PATJ: variants seen among roughly 807,000 people sequenced by gnomAD.
PATJ encodes the protein PATJ crumbs cell polarity complex component, also known as inaD-like protein.
A neutral mutation model predicts 224.9 loss-of-function variants in PATJ; 190 were observed. The observed-to-expected ratio is 0.84, with a 90% CI of 0.75 to 0.95. The LOEUF (loss-of-function observed/expected upper bound fraction) is 0.95, where lower values mean the gene tolerates loss of function less well. Among genes scored for constraint, PATJ ranks in the 40% least tolerant of loss-of-function variants. The pLI is 0.00. For synonymous variants in PATJ, 769 were observed against 820.3 expected (o/e 0.94, Z 1.07); for missense variants, 2,121 against 2,270.3 (o/e 0.93, Z 1.34).
chr1:62,098,318 G>A (rs572337974), intron 33 of PATJ, among the ~76,000 whole-genome samples: 4 of 144,046 alleles, frequency 2.8e-5, no homozygotes, highest in Non-Finnish European at 4.5e-5. Context: ...GAGATTGCAC[G>A]ACTGCACTCC....
intron 31 of PATJ, among the ~76,000 whole-genome samples, chr1:62,060,226 A>C (rs1194047218): frequency 6.6e-6 from 1 of 152,302 alleles, no homozygotes; most frequent in African/African-American, 2.4e-5. Context: ...TACTGTCGTC[A>C]TCTCCATTTT....
intron 30 of PATJ, among the ~76,000 whole-genome samples, chr1:62,039,499 T>G (rs372319390): frequency 2.0e-5 from 3 of 152,232 alleles, no homozygotes; most frequent in Non-Finnish European, 2.9e-5. Context: ...TCTCTCTTCA[T>G]GGTTGAAGAC....
chr1:61,925,820 A>C (rs1675109933), intron 26 of PATJ, among the ~76,000 whole-genome samples: 1 of 152,246 alleles, frequency 6.6e-6, no homozygotes, highest in Non-Finnish European at 1.5e-5. Flanking sequence ...GAAGAGAGTG[A>C]AGTGCTATTG....
chr1:61,980,704 C>T (rs763962610), intron 27 of PATJ, among the ~76,000 whole-genome samples: 4 of 152,026 alleles, frequency 2.6e-5, no homozygotes, highest in Admixed American at 1.3e-4. Flanking sequence ...GCTGTGGCAA[C>T]GACTCCCAGC....
chr1:61,962,549 G>T (rs895820559), intron 27 of PATJ, among the ~76,000 whole-genome samples: 1 of 152,174 alleles, frequency 6.6e-6, no homozygotes, highest in Non-Finnish European at 1.5e-5. Flanking sequence ...GTGGTGTGAT[G>T]ATGGAGGGTT....
At chr1:62,160,325 A>ATTC (rs2149078672) in intron 43 of PATJ, among the ~76,000 whole-genome samples, 1 of 152,292 alleles carries the variant, frequency 6.6e-6, no homozygotes, top group Non-Finnish European at 1.5e-5. Context: ...GATCAAAGAT[A>ATTC]AAGTGGAAGG....
intron 27 of PATJ, among the ~76,000 whole-genome samples, chr1:61,981,186 G>T (rs1014608207): frequency 4.6e-5 from 7 of 151,990 alleles, no homozygotes; most frequent in Non-Finnish European, 1.0e-4. Flanking sequence ...AACTTTTGTT[G>T]ACTGTCATCA....
intron 31 of PATJ, among the ~76,000 whole-genome samples, chr1:62,058,009 A>G (rs1478340799): frequency 1.3e-5 from 2 of 152,162 alleles, no homozygotes; most frequent in Non-Finnish European, 2.9e-5. Flanking sequence ...TTTTTCAAAA[A>G]TTTTCAGAAT....
intron 27 of PATJ, among the ~76,000 whole-genome samples, chr1:61,939,675 G>GTTTTTTT (rs1677476831): frequency 4.4e-5 from 3 of 67,658 alleles, no homozygotes; most frequent in African/African-American, 1.8e-4. Context: ...GTTTCTATGT[G>GTTTTTTT]CTTTTTTTTT....
At chr1:61,881,316 G>T (rs764827522) in intron 21 of PATJ, among the ~76,000 whole-genome samples, 1 of 152,052 alleles carries the variant, frequency 6.6e-6, no homozygotes, top group South Asian at 2.1e-4. Context: ...TGCTGGGAAG[G>T]ACCCTGAATT....
chr1:62,049,324 C>T (rs966908983), intron 30 of PATJ, among the ~76,000 whole-genome samples: 3 of 151,220 alleles, frequency 2.0e-5, no homozygotes, highest in African/African-American at 7.3e-5. Flanking sequence ...TTTATATTCA[C>T]TCAGTGATGT....
At chr1:61,846,197 A>T (rs1661921976) in intron 17 of PATJ, 1 of 152,214 alleles carries the variant, frequency 6.6e-6, no homozygotes, top group African/African-American at 2.4e-5. Flanking sequence ...ATTTCTATGG[A>T]CTAAGCACAT....
chr1:61,974,403 CTCTTTTTTTTTT>C (rs1644005534), intron 27 of PATJ, among the ~76,000 whole-genome samples: 1 of 127,056 alleles, frequency 7.9e-6, no homozygotes, highest in African/African-American at 3.4e-5. Flanking sequence ...CTCTCTCTCT[CTCTTTTTTTTTT>C]TTTTTTTTTT....
intron 33 of PATJ, among the ~76,000 whole-genome samples, chr1:62,091,523 T>G (rs1024646902): frequency 5.3e-5 from 8 of 152,218 alleles, no homozygotes; most frequent in Non-Finnish European, 1.0e-4. Flanking sequence ...TTAAAGTAGA[T>G]CCTTAACTTT....
At chr1:62,070,531 C>G (rs1243507199) in intron 31 of PATJ, among the ~76,000 whole-genome samples, 1 of 152,074 alleles carries the variant, frequency 6.6e-6, no homozygotes, top group East Asian at 1.9e-4. Flanking sequence ...ATGGGAGACA[C>G]ATACATAAAA....
In PATJ at chr1:61,922,573, G is replaced by A. The variant is rs146755731; in HGVS notation, c.3571-5157G>A. On this transcript the variant is annotated intron_variant, in intron 26 of 43. Transcript: ENST00000642238. ...GGCTTTAGGTTTCCAAGGATTGGCA[G>A]ATGCCCTCCAGGCAAGTGTCACCTT... Among the ~76,000 whole-genome samples the A allele has an allele frequency of 2.0e-3, 298 of 152,354 alleles. 1 individual carries two copies. Among genetic ancestry groups the A allele is most frequent in the African/African-American group, 6.7e-3 (280 of 41,572 alleles).
chr1:62,123,062 A>G lies in PATJ; in HGVS notation c.5043+4A>G. 1 of 1,592,048 alleles carries G rather than the reference A, an allele frequency of 6.3e-7. No homozygotes were observed. The highest frequency in any genetic ancestry group is 8.6e-7 in the Non-Finnish European group (1 of 1,165,446). ...AAGGACTGTTGAGATAAACAGGGTA[A>G]GTCAGTCATTTTGCTGTATGTATTT... On this transcript the variant is annotated splice_donor_region_variant and intron_variant, in intron 39 of 43. Transcript: ENST00000642238.
At chr1:62,072,041 C>T (rs1376959042) in intron 31 of PATJ, among the ~76,000 whole-genome samples, 2 of 151,828 alleles carry the variant, frequency 1.3e-5, no homozygotes, top group African/African-American at 2.4e-5. Context: ...AGTAAACCAT[C>T]GTATGATAAT....
intron 10 of PATJ, among the ~76,000 whole-genome samples, chr1:61,796,724 T>TTCTTTCTTTCTTTTTCTTTC (rs1223383945): frequency 1.5e-3 from 79 of 52,698 alleles, no homozygotes; most frequent in East Asian, 3.0e-3. Context: ...CTTTCTTTCT[T>TTCTTTCTTTCTTTTTCTTTC]TTTCTTTCTT....
Sources: gnomAD v4.1 joint callset for allele counts (sites outside exome capture counted in the v4.1 genomes callset) on GRCh38, gnomAD v4.1.1 for gene constraint, MANE v1.5 for transcripts, NCBI Gene and HGNC (gene_info 2026-07-23, HGNC 2026-07-21) for gene names.